Variants in FCRLA observed in about 807,000 individuals in gnomAD.
FCRLA encodes Fc receptor-like A.
FCRLA carries 26 observed loss-of-function variants against 28.4 expected under a neutral mutation model. That is an observed-to-expected ratio of 0.91 (90% CI 0.67 to 1.27). FCRLA has a LOEUF of 1.27. Among genes scored for constraint, FCRLA ranks in the 50% most tolerant of loss-of-function variants. The pLI, the probability that FCRLA is intolerant of heterozygous loss-of-function variation, is 0.00. For synonymous variants in FCRLA, 174 were observed against 168.5 expected (o/e 1.03, Z -0.25); for missense variants, 422 against 433.1 (o/e 0.97, Z 0.23).
At chr1:161,707,706 G>A (rs1447638223) in intron 1 of FCRLA, among the ~76,000 whole-genome samples, 2 of 152,136 alleles carry the variant, frequency 1.3e-5, no homozygotes, top group Non-Finnish European at 2.9e-5. Flanking sequence ...AATTGGTTTT[G>A]TCTAGGGCAC....
intron 3 of FCRLA, 199 bp downstream of exon 3, chr1:161,711,673 T>C (rs1683109550): frequency 1.3e-6 from 1 of 751,230 alleles, no homozygotes; most frequent in Non-Finnish European, 2.1e-6. Context: ...GAGTCCAGCA[T>C]AGTTCCTACC....
chr1:161,710,480 G>A (rs1416270617), intron 1 of FCRLA: 13 of 1,550,760 alleles, frequency 8.4e-6, no homozygotes, highest in Non-Finnish European at 1.1e-5. Flanking sequence ...ACCAGCAGCT[G>A]GATGTCATGC....
At position 161,713,342 on chromosome 1, in the gene FCRLA, C is replaced by T. The variant is rs1189929290; in HGVS notation, c.1042C>T (p.His348Tyr). 6.2e-7 allele frequency: 1 copy of T among 1,614,126 alleles called. No homozygotes were observed. The highest frequency in any genetic ancestry group is 1.7e-5 in the Admixed American group (1 of 60,014). ...LLMELRELSGHRKPGTTKATA... is the reference protein window; with the variant it reads ...LLMELRELSGYRKPGTTKATA... ...CATGGAGTTGAGGGAATTATCTGGC[C>T]ACCGGAAGCCTGGGACCACAAAGGC... The change falls in exon 5 of 5, where the codon CAC (histidine) becomes TAC (tyrosine). Residue 348 changes from histidine to tyrosine, a missense_variant. By Grantham distance (83) the His-to-Tyr change is moderately conservative. Transcript: ENST00000236938.
intron 3 of FCRLA, 34 bp from the exon 4 acceptor site, chr1:161,711,900 C>A: frequency 6.3e-7 from 1 of 1,576,364 alleles, no homozygotes; most frequent in South Asian, 1.2e-5. Context: ...TATAAGATGG[C>A]TGAGCTCTTC....
intron 4 of FCRLA, 72 bp from the exon 5 acceptor site, chr1:161,713,013 T>G: frequency 6.6e-7 from 1 of 1,506,702 alleles, no homozygotes. Flanking sequence ...ACAAGAAAGA[T>G]TGGCCAGGGA....
intron 4 of FCRLA, 87 bp downstream of exon 4, chr1:161,712,305 G>A (rs1683143163): frequency 6.7e-7 from 1 of 1,493,928 alleles, no homozygotes; most frequent in Non-Finnish European, 9.1e-7. Flanking sequence ...GTGAGCTGGG[G>A]TTCAGTGTGA....
In FCRLA at chr1:161,712,232, A is replaced by G; in HGVS notation, c.784+14A>G. On this transcript the variant is annotated intron_variant, in intron 4 of 4. Transcript: ENST00000236938. Reference sequence around the variant, plus strand: ...TCAGAGTGCAGGGTGAGTTCGCATCAGAGTGCAGGTTGTCTGTTTGGCATG... The same window carrying G: ...TCAGAGTGCAGGGTGAGTTCGCATCGGAGTGCAGGTTGTCTGTTTGGCATG... 6.2e-7 allele frequency: 1 copy of G among 1,603,936 alleles called. No individual in the cohort carries two copies. The highest frequency in any genetic ancestry group is 8.5e-7 in the Non-Finnish European group (1 of 1,174,064).
Position 161,710,701 on chromosome 1 carries a change from C to T in FCRLA, c.80-59C>T, listed in dbSNP as rs745561588. The T allele has an allele frequency of 1.0e-5, 16 of 1,603,604 alleles. No individual in the cohort carries two copies. In the Admixed American group the frequency reaches 1.0e-4, roughly 10 times the overall value. On this transcript the variant is annotated intron_variant, in intron 1 of 4. Coordinates refer to ENST00000236938, the MANE Select transcript of FCRLA (RefSeq NM_032738.4). ...ATCCTGGGAGATGGAGGAACCCTGT[C>T]CTCTTTCTCCAAGTTGCATCATCAT...
intron 1 of FCRLA, among the ~76,000 whole-genome samples, chr1:161,709,380 C>T (rs868124446): frequency 6.6e-6 from 1 of 152,280 alleles, no homozygotes; most frequent in African/African-American, 2.4e-5. Context: ...GATCCTCCCA[C>T]CTCAACCTCC....
At chr1:161,711,550 C>T in intron 3 of FCRLA, 76 bp downstream of exon 3, 1 of 1,517,502 alleles carries the variant, frequency 6.6e-7, no homozygotes, top group Non-Finnish European at 8.9e-7. Context: ...CTTTCTTTAG[C>T]CTGGAGGTAG....
Position 161,713,495 on chromosome 1 carries a change from T to C in FCRLA, c.*115T>C. Reference sequence around the variant, plus strand: ...ACTTTTACAAGTTGTCCCAGTGTTTTGTTAGAATAATGTAGTTAGGTGAGT... The same window carrying C: ...ACTTTTACAAGTTGTCCCAGTGTTTCGTTAGAATAATGTAGTTAGGTGAGT... On this transcript the variant is annotated 3_prime_UTR_variant, in exon 5 of 5. Coordinates refer to ENST00000236938, the MANE Select transcript of FCRLA (RefSeq NM_032738.4). The C allele has an allele frequency of 1.2e-6, 1 of 853,934 alleles. No individual in the cohort carries two copies. The highest frequency in any genetic ancestry group is 1.8e-6 in the Non-Finnish European group (1 of 550,614). 52.9% of individuals were successfully genotyped at this position (853,934 alleles called of 1,614,324 possible). A position where few individuals can be genotyped will look rare whatever the true frequency, so the allele number is the denominator to read the frequency against.
chr1:161,713,491 G>A lies in FCRLA; in HGVS notation c.*111G>A, dbSNP rs1683214865. The A allele has an allele frequency of 1.0e-5, 9 of 881,138 alleles. No individual in the cohort carries two copies. The highest frequency in any genetic ancestry group is 1.7e-5 in the African/African-American group (1 of 59,398). 54.6% of individuals were successfully genotyped at this position (881,138 alleles called of 1,614,324 possible). A position where few individuals can be genotyped will look rare whatever the true frequency, so the allele number is the denominator to read the frequency against. The stretch of plus-strand genomic sequence containing the variant: ...AAGTACTTTTACAAGTTGTCCCAGT[G>A]TTTTGTTAGAATAATGTAGTTAGGT... On this transcript the variant is annotated 3_prime_UTR_variant, in exon 5 of 5. Coordinates refer to ENST00000236938, the MANE Select transcript of FCRLA (RefSeq NM_032738.4).
chr1:161,713,297 G>C lies in FCRLA; in HGVS notation c.997G>C (p.Val333Leu), dbSNP rs1386093942. The change falls in exon 5 of 5, where the codon GTC becomes CTC. Residue 333 changes from valine (V) to leucine (L), a missense_variant. Coordinates refer to ENST00000236938, the MANE Select transcript of FCRLA (RefSeq NM_032738.4). The part of the protein sequence containing the change: ...LLLKHMQDVR[V>L]LLGHLLMELR... The stretch of plus-strand genomic sequence containing the variant: ...TCTCAAACACATGCAGGATGTGAGA[G>C]TCCTCCTCGGTCACCTGCTCATGGA... 6.2e-7 allele frequency: 1 copy of C among 1,614,248 alleles called. No individual in the cohort carries two copies. The highest frequency in any genetic ancestry group is 1.7e-5 in the Admixed American group (1 of 60,034).
Position 161,710,928 on chromosome 1 carries a change from G to T in FCRLA, c.232+16G>T, listed in dbSNP as rs1268030454. ...GTGTCCTATGGTGAGGTCCTGGGAA[G>T]GCCTGAGCAGTGCCCCAAACCCCTT... On this transcript the variant is annotated intron_variant, in intron 2 of 4. Coordinates refer to ENST00000236938, the MANE Select transcript of FCRLA (RefSeq NM_032738.4). 1 of 1,611,880 alleles carries T rather than the reference G, an allele frequency of 6.2e-7. No individual in the cohort carries two copies. Among genetic ancestry groups the T allele is most frequent in the South Asian group, 1.1e-5 (1 of 90,976 alleles).
At chr1:161,710,337 G>A in intron 1 of FCRLA, 1 of 737,384 alleles carries the variant, frequency 1.4e-6, no homozygotes, top group South Asian at 1.6e-5. Flanking sequence ...TTGTGAGGAT[G>A]AAGTTAGATA....
chr1:161,708,847 T>C (rs1353133664), intron 1 of FCRLA, among the ~76,000 whole-genome samples: 7 of 152,226 alleles, frequency 4.6e-5, no homozygotes, highest in Non-Finnish European at 7.3e-5. Context: ...TTCCTACTTA[T>C]GCTGAAATAA....
At chr1:161,710,996 T>C (rs12043179) in intron 2 of FCRLA, 84 bp downstream of exon 2, 88,600 of 1,568,348 alleles carry the variant, frequency 0.056, 2,660 homozygotes, top group African/African-American at 0.067. Flanking sequence ...CCCTAGGAAA[T>C]TGGCTATGGG....
At chr1:161,711,512 G>A in intron 3 of FCRLA, 38 bp downstream of exon 3, 1 of 1,582,928 alleles carries the variant, frequency 6.3e-7, no homozygotes, top group East Asian at 2.2e-5. Context: ...GCAGGGGAGG[G>A]TAAGGAGAGA....
At chr1:161,713,017 C>A in intron 4 of FCRLA, 68 bp from the exon 5 acceptor site, 1 of 1,517,104 alleles carries the variant, frequency 6.6e-7, no homozygotes, top group South Asian at 1.3e-5. Context: ...GAAAGATTGG[C>A]CAGGGATGGG....
Sources: gnomAD v4.1 joint callset for allele counts (sites outside exome capture counted in the v4.1 genomes callset) on GRCh38, gnomAD v4.1.1 for gene constraint, MANE v1.5 for transcripts, NCBI Gene and HGNC (gene_info 2026-07-23, HGNC 2026-07-21) for gene names.